The following SLC22A2 variants were observed in gnomAD, a reference collection of about 807,000 sequenced individuals.
SLC22A2 encodes organic cation transporter 2.
A neutral mutation model predicts 60.5 loss-of-function variants in SLC22A2; 46 were observed. The observed-to-expected ratio is 0.76, with a 90% CI of 0.60 to 0.97. The LOEUF (loss-of-function observed/expected upper bound fraction) is 0.97. SLC22A2 is among the 50% of genes least tolerant of loss of function. The probability of loss-of-function intolerance (pLI) is 0.00; values close to 1 mark genes in which losing one functional copy is unlikely to be tolerated. For synonymous variants in SLC22A2, 303 were observed against 267.0 expected (o/e 1.13, Z -1.31); for missense variants, 701 against 706.6 (o/e 0.99, Z 0.09).
intron 5 of SLC22A2, among the ~76,000 whole-genome samples, chr6:160,246,154 C>T (rs1783091614): frequency 6.6e-6 from 1 of 152,076 alleles, no homozygotes; most frequent in Admixed American, 6.5e-5. Flanking sequence ...GCATGAGCCA[C>T]TGCGCCCGAC....
chr6:160,225,445 T>C (rs1430892203), intron 9 of SLC22A2, among the ~76,000 whole-genome samples: 1 of 152,154 alleles, frequency 6.6e-6, no homozygotes, highest in Non-Finnish European at 1.5e-5. Flanking sequence ...AGGATGTGGG[T>C]TCTTTACTAG....
intron 9 of SLC22A2, among the ~76,000 whole-genome samples, chr6:160,236,353 C>T (rs575300106): frequency 6.6e-6 from 1 of 152,200 alleles, no homozygotes; most frequent in East Asian, 1.9e-4. Flanking sequence ...CGTTGCTGAT[C>T]CTTTGTTTTG....
rs755798030 is a variant in SLC22A2, at chr6:160,250,537, A to G, written c.673+11T>C. ...CTTTGTTCTCACAGTTGCAAGCACA[A>G]ACATTCTTACTCAGGATGTAGCCTA... On this transcript the variant is annotated intron_variant, in intron 3 of 10. Coordinates refer to ENST00000366953, the MANE Select transcript of SLC22A2 (RefSeq NM_003058.4). The G allele has an allele frequency of 5.6e-6, 9 of 1,613,906 alleles. No individual in the cohort carries two copies. The highest frequency in any genetic ancestry group is 7.6e-6 in the Non-Finnish European group (9 of 1,179,790).
At chr6:160,219,678 G>A (rs970419210) in intron 10 of SLC22A2, among the ~76,000 whole-genome samples, 1 of 151,590 alleles carries the variant, frequency 6.6e-6, no homozygotes, top group Non-Finnish European at 1.5e-5. Flanking sequence ...AGGATTCAAT[G>A]AGGTAATACA....
intron 9 of SLC22A2, among the ~76,000 whole-genome samples, chr6:160,228,711 C>T (rs1052572683): frequency 6.6e-6 from 1 of 152,114 alleles, no homozygotes; most frequent in East Asian, 1.9e-4. Context: ...CGTATATATC[C>T]AGATGGCCTG....
In SLC22A2 at chr6:160,249,358, G is replaced by A. The variant is rs368105668; in HGVS notation, c.700C>T (p.Arg234Trp). The change falls in exon 4 of 11, where the codon CGG becomes TGG. Residue 234 changes from arginine (R) to tryptophan (W), a missense_variant. Coordinates refer to ENST00000366953, the MANE Select transcript of SLC22A2 (RefSeq NM_003058.4). ...LITEFVGRRY[R>W]RTVGIFYQVA... ...TGGTAAAAAATCCCCACTGTTCTCC[G>A]ATATCTCCGCCCAACAAATTCTGTA... 59 of 1,613,432 alleles carry A rather than the reference G, an allele frequency of 3.7e-5. No individual in the cohort carries two copies. Among genetic ancestry groups the A allele is most frequent in the East Asian group, 2.9e-4 (13 of 44,846 alleles).
chr6:160,243,648 G>C lies in SLC22A2; in HGVS notation c.1203C>G (p.Ile401Met), dbSNP rs8177515. The C allele has an allele frequency of 6.2e-7, 1 of 1,613,896 alleles. No homozygotes were observed. The highest frequency in any genetic ancestry group is 1.7e-5 in the Admixed American group (1 of 59,996). The change falls in exon 7 of 11, where the codon ATC (isoleucine) becomes ATG (methionine). Residue 401 changes from isoleucine (I) to methionine (M), a missense_variant. Ile to Met is a conservative substitution (Grantham distance 10, BLOSUM62 1). Transcript: ENST00000366953. ...AFMIILTIDR[I>M]GRRYPWAASN... ...ATGCAGCCCAAGGGTAACGGCGTCC[G>C]ATGCGGTCGATGGTGAGGATGATCA...
chr6:160,251,941 ACT>A (rs1209632496), intron 2 of SLC22A2, among the ~76,000 whole-genome samples: 2 of 151,608 alleles, frequency 1.3e-5, no homozygotes, highest in Non-Finnish European at 2.9e-5. Context: ...AAGTCTTAAA[ACT>A]CTGTTTTGAC....
In SLC22A2 at chr6:160,243,722, A is replaced by T; in HGVS notation, c.1129T>A (p.Tyr377Asn). 6.2e-7 allele frequency: 1 copy of T among 1,613,936 alleles called. No individual in the cohort carries two copies. Among genetic ancestry groups the T allele is most frequent in the Non-Finnish European group, 8.5e-7 (1 of 1,179,836 alleles). ...AGGGCAGAGTAGAAGAAATCCAGGT[A>T]GATATTGTCACCTGCAAGGCCCATG... is the stretch of plus-strand genomic sequence containing the variant. ...MHMGLAGDNI[Y>N]LDFFYSALVE... Residue 377 changes from tyrosine to asparagine, a missense_variant, in exon 7 of 11, where the codon TAC becomes AAC. By Grantham distance (143) the Tyr-to-Asn change is moderately radical. Coordinates refer to ENST00000366953, the MANE Select transcript of SLC22A2 (RefSeq NM_003058.4).
intron 9 of SLC22A2, among the ~76,000 whole-genome samples, chr6:160,238,314 A>G (rs1359010511): frequency 6.6e-6 from 1 of 152,220 alleles, no homozygotes; most frequent in African/African-American, 2.4e-5. Context: ...TGCCTATTAA[A>G]TAATTAACCT....
chr6:160,228,856 C>T (rs944139625), intron 9 of SLC22A2, among the ~76,000 whole-genome samples: 2 of 151,798 alleles, frequency 1.3e-5, no homozygotes, highest in Non-Finnish European at 2.9e-5. Flanking sequence ...TGTCCCCCAC[C>T]CCTGCCCACC....
At chr6:160,217,586 C>T (rs1016416975) in intron 10 of SLC22A2, 88 bp from the exon 11 acceptor site, 5 of 702,952 alleles carry the variant, frequency 7.1e-6, no homozygotes, top group African/African-American at 3.6e-5. Flanking sequence ...ATGAGAGGAA[C>T]AACAAATGAT....
At chr6:160,247,134 A>G in intron 5 of SLC22A2, 50 bp downstream of exon 5, 2 of 1,063,410 alleles carry the variant, frequency 1.9e-6, no homozygotes, top group Non-Finnish European at 2.9e-6. Context: ...ATCTTACCAG[A>G]GCCTCCCTTT....
In SLC22A2 at chr6:160,229,324, G is replaced by A. The variant is rs754749951; in HGVS notation, c.1502-4520C>T. Among the ~76,000 whole-genome samples, 27 of 151,406 alleles carry A rather than the reference G, an allele frequency of 1.8e-4. 2 individuals carry two copies. The highest frequency in any genetic ancestry group is 3.9e-4 in the East Asian group (2 of 5,192). On this transcript the variant is annotated intron_variant, in intron 9 of 10. Coordinates refer to ENST00000366953, the MANE Select transcript of SLC22A2 (RefSeq NM_003058.4). Reference sequence around the variant, plus strand: ...TAATTTCAGTTCCTTTCCTTTTCTCGTAGAGACAGAGATGATGCATTTTAT... The same window carrying A: ...TAATTTCAGTTCCTTTCCTTTTCTCATAGAGACAGAGATGATGCATTTTAT...
At chr6:160,254,643 T>C (rs1200725136) in intron 2 of SLC22A2, among the ~76,000 whole-genome samples, 1 of 152,210 alleles carries the variant, frequency 6.6e-6, no homozygotes, top group Non-Finnish European at 1.5e-5. Flanking sequence ...TTCTCACTCC[T>C]GCATGCAGGC....
In SLC22A2 at chr6:160,217,493, C is replaced by A. The variant is rs2114845409; in HGVS notation, c.1607G>T (p.Arg536Ile). The A allele has an allele frequency of 1.9e-6, 3 of 1,578,068 alleles. No homozygotes were observed. Among genetic ancestry groups the A allele is most frequent in the East Asian group, 4.5e-5 (2 of 44,558 alleles). The change falls in exon 11 of 11, where the codon AGA becomes ATA. Residue 536 changes from arginine (R) to isoleucine (I), a missense_variant. By Grantham distance (97) the Arg-to-Ile change is moderately conservative. Coordinates refer to ENST00000366953, the MANE Select transcript of SLC22A2 (RefSeq NM_003058.4). ...GTAAATCATCTTTTCTTTATTTTTT[C>A]TTGGTCTGCAATAAGAAATAAAAAT... is the stretch of plus-strand genomic sequence containing the variant. ...IEEAENMQRP[R>I]KNKEKMIYLQ... is the part of the protein sequence containing the mutation.
chr6:160,241,594 G>T lies in SLC22A2; in HGVS notation c.1389-8C>A. ...ATGTGGACGCCAAGATTCCTAGAAT[G>T]CAGGAAACTGATTTAACTTGTTAAC... On this transcript the variant is annotated splice_region_variant and splice_polypyrimidine_tract_variant and intron_variant, in intron 8 of 10. Coordinates refer to ENST00000366953, the MANE Select transcript of SLC22A2 (RefSeq NM_003058.4). The T allele has an allele frequency of 6.3e-7, 1 of 1,577,394 alleles. No homozygotes were observed.
chr6:160,227,114 G>A (rs1782736906), intron 9 of SLC22A2, among the ~76,000 whole-genome samples: 1 of 152,184 alleles, frequency 6.6e-6, no homozygotes, highest in Non-Finnish European at 1.5e-5. Context: ...ATTTGCATCT[G>A]TAAAGAATCT....
At chr6:160,231,101 C>T (rs1450175893) in intron 9 of SLC22A2, among the ~76,000 whole-genome samples, 3 of 151,972 alleles carry the variant, frequency 2.0e-5, no homozygotes, top group Non-Finnish European at 4.4e-5. Flanking sequence ...TACCTTCTTT[C>T]CAAGGGCCTA....
Sources: allele counts gnomAD v4.1 joint callset (sites outside exome capture counted in the v4.1 genomes callset), GRCh38; gene constraint gnomAD v4.1.1; transcripts MANE v1.5; gene names NCBI Gene and HGNC (gene_info 2026-07-23, HGNC 2026-07-21).